ADGRL2: variants seen among roughly 807,000 people sequenced by gnomAD.
ADGRL2 encodes adhesion G protein-coupled receptor L2.
A neutral mutation model predicts 157.4 loss-of-function variants in ADGRL2; 44 were observed. That is an observed-to-expected ratio of 0.28 (90% CI 0.22 to 0.36). ADGRL2 has a LOEUF of 0.36. Ranked by LOEUF, ADGRL2 falls within the 10% of genes least tolerant of loss-of-function variation. The pLI, the probability that ADGRL2 is intolerant of heterozygous loss-of-function variation, is 1.00. For missense variants in ADGRL2, 1,510 were observed against 1,768.9 expected, an observed-to-expected ratio of 0.85 and a Z score of 2.63; for synonymous variants, 585 against 624.7, an observed-to-expected ratio of 0.94 and a Z score of 0.95.
intron 2 of ADGRL2, among the ~76,000 whole-genome samples, chr1:81,894,384 G>C (rs1049704342): frequency 6.6e-6 from 1 of 152,126 alleles, no homozygotes; most frequent in African/African-American, 2.4e-5. Context: ...ATTGGTCCAA[G>C]AGCATTCATT....
chr1:81,705,910 T>A (rs757367266), intron 1 of ADGRL2, among the ~76,000 whole-genome samples: 2 of 150,908 alleles, frequency 1.3e-5, no homozygotes, highest in Non-Finnish European at 3.0e-5. Context: ...GACCTTATCT[T>A]TAAAAACAAA....
chr1:81,818,317 C>A (rs893854001), intron 1 of ADGRL2, among the ~76,000 whole-genome samples: 4 of 152,062 alleles, frequency 2.6e-5, no homozygotes, highest in African/African-American at 9.7e-5. Flanking sequence ...CAGATAAGGT[C>A]TTGGATTTAC....
intron 3 of ADGRL2, among the ~76,000 whole-genome samples, chr1:81,917,432 T>A (rs2094882379): frequency 6.6e-6 from 1 of 151,996 alleles, no homozygotes; most frequent in Non-Finnish European, 1.5e-5. Context: ...TAGTTAGATT[T>A]TTTTTAGTGC....
intron 1 of ADGRL2, among the ~76,000 whole-genome samples, chr1:81,747,111 GTA>G (rs1491331664): frequency 1.5e-5 from 2 of 133,102 alleles, no homozygotes; most frequent in African/African-American, 2.8e-5. Flanking sequence ...ACATATATGT[GTA>G]TATATGTGTA....
At chr1:81,756,773 T>A (rs895177966) in intron 1 of ADGRL2, among the ~76,000 whole-genome samples, 1 of 152,184 alleles carries the variant, frequency 6.6e-6, no homozygotes, top group Non-Finnish European at 1.5e-5. Context: ...AACAGAATTT[T>A]AAAATAGCTC....
At chr1:81,748,658 TC>T (rs1314828224) in intron 1 of ADGRL2, among the ~76,000 whole-genome samples, 1 of 134,714 alleles carries the variant, frequency 7.4e-6, no homozygotes, top group Non-Finnish European at 1.6e-5. Flanking sequence ...TCTCATTCAT[TC>T]CTTTTTTTTT....
intron 2 of ADGRL2, among the ~76,000 whole-genome samples, chr1:81,545,773 C>T (rs1488608472): frequency 1.3e-5 from 2 of 152,196 alleles, no homozygotes; most frequent in Non-Finnish European, 2.9e-5. Context: ...AAGACTAGAG[C>T]TCAGTTTTAT....
chr1:81,467,666 A>T (rs1169084855), intron 2 of ADGRL2, among the ~76,000 whole-genome samples: 1 of 152,094 alleles, frequency 6.6e-6, no homozygotes, highest in African/African-American at 2.4e-5. Flanking sequence ...TTATTTTTTC[A>T]GTGACTGGTA....
At chr1:81,497,977 C>T (rs1030730685) in intron 2 of ADGRL2, among the ~76,000 whole-genome samples, 4 of 152,182 alleles carry the variant, frequency 2.6e-5, no homozygotes, top group Admixed American at 1.3e-4. Flanking sequence ...GAGGCCGAGG[C>T]GGGCAGATCA....
At chr1:81,396,231 T>C (rs557310301) in intron 1 of ADGRL2, among the ~76,000 whole-genome samples, 6 of 152,328 alleles carry the variant, frequency 3.9e-5, no homozygotes, top group African/African-American at 9.6e-5. Context: ...TTTGGTTAAA[T>C]GTATTCCCAG....
intron 1 of ADGRL2, among the ~76,000 whole-genome samples, chr1:81,438,649 A>C (rs2077452949): frequency 6.6e-6 from 1 of 152,192 alleles, no homozygotes; most frequent in African/African-American, 2.4e-5. Flanking sequence ...AACATTTTGC[A>C]GCCCAGCCCT....
intron 9 of ADGRL2, 144 bp downstream of exon 9, chr1:81,952,286 A>G: frequency 3.4e-6 from 2 of 583,050 alleles, no homozygotes; most frequent in Non-Finnish European, 5.8e-6. Flanking sequence ...TTTCCAAGGA[A>G]GAATTACAGT....
chr1:81,854,052 A>G (rs1304787335), intron 2 of ADGRL2, among the ~76,000 whole-genome samples: 2 of 152,210 alleles, frequency 1.3e-5, no homozygotes, highest in South Asian at 2.1e-4. Context: ...TGCCTATTCT[A>G]TGGGCAGTGA....
chr1:81,666,332 T>A (rs1333463463), intron 3 of ADGRL2, among the ~76,000 whole-genome samples: 1 of 152,180 alleles, frequency 6.6e-6, no homozygotes, highest in Non-Finnish European at 1.5e-5. Context: ...CACTTTTCCA[T>A]GCCCCTCTGT....
rs1205137390 is a variant in ADGRL2 at position 81,943,192 on chromosome 1, A to G, written c.633A>G (p.Val211=). The G allele has an allele frequency of 6.2e-6, 10 of 1,613,504 alleles. No individual in the cohort carries two copies. The Admixed American group carries it at 1.5e-4, about 24-fold the overall frequency. ...QTTTYKLPNR[V]DGTGFVVYDG... is the part of the protein sequence containing the mutation. ...CAACATATAAACTTCCAAATCGAGT[A>G]GATGGTACTGGATTTGTGGTGTATG... The change falls in exon 6 of 24, where the codon GTA becomes GTG. Residue 211 remains valine, a synonymous_variant. Transcript: ENST00000686636. The surrounding 1 kb of genome is among the most constrained non-coding windows in gnomAD (Gnocchi z 5.6).
chr1:81,802,962 G>T (rs2088504240), intron 1 of ADGRL2, among the ~76,000 whole-genome samples: 1 of 152,124 alleles, frequency 6.6e-6, no homozygotes, highest in African/African-American at 2.4e-5. Flanking sequence ...GGCCTCGTGG[G>T]TCGGGAGGGT....
chr1:81,810,548 C>G (rs541448302), intron 1 of ADGRL2, among the ~76,000 whole-genome samples: 10 of 151,960 alleles, frequency 6.6e-5, no homozygotes, highest in African/African-American at 2.4e-4. Context: ...TCTTTGTGTT[C>G]TTAATGTCAG....
chr1:81,394,472 T>C (rs982937392), intron 1 of ADGRL2, among the ~76,000 whole-genome samples: 1 of 152,204 alleles, frequency 6.6e-6, no homozygotes, highest in African/African-American at 2.4e-5. Context: ...ATCTATCTTT[T>C]TGTGACTGGC....
At chr1:81,564,488 T>C (rs998483205) in intron 2 of ADGRL2, among the ~76,000 whole-genome samples, 1 of 152,174 alleles carries the variant, frequency 6.6e-6, no homozygotes, top group Non-Finnish European at 1.5e-5. Context: ...TCATTATCTA[T>C]TGGCCGGAGC....
Sources: gnomAD v4.1 joint callset for allele counts (sites outside exome capture counted in the v4.1 genomes callset) on GRCh38, gnomAD v4.1.1 for gene constraint, Gnocchi (gnomAD v3.1) non-coding constraint, MANE v1.5 for transcripts, NCBI Gene and HGNC (gene_info 2026-07-23, HGNC 2026-07-21) for gene names.